The following SCARB2 variants were observed in gnomAD, a reference collection of about 807,000 sequenced individuals.
SCARB2 encodes the protein lysosome membrane protein 2.
In SCARB2, 29 loss-of-function variants were observed where a neutral mutation model predicts 58.6. The ratio of observed to expected loss-of-function variants is 0.49; its 90% confidence interval spans 0.37 to 0.67. SCARB2 has a LOEUF of 0.67. Ranked by LOEUF, SCARB2 falls within the 30% of genes least tolerant of loss-of-function variation. The pLI, the probability that SCARB2 is intolerant of heterozygous loss-of-function variation, is 0.00. For synonymous variants in SCARB2, 195 were observed against 210.1 expected, an observed-to-expected ratio of 0.93 and a Z score of 0.62; for missense variants, 488 against 578.5, an observed-to-expected ratio of 0.84 and a Z score of 1.60.
At position 76,213,517 on chromosome 4, in the gene SCARB2, C is replaced by T. The variant is rs1733112054; in HGVS notation, c.27G>A (p.Ala9=). 1 of 1,610,450 alleles carries T rather than the reference C, an allele frequency of 6.2e-7. No homozygotes were observed. The highest frequency in any genetic ancestry group is 8.5e-7 in the Non-Finnish European group (1 of 1,178,560). The change falls in exon 1 of 12, where the codon GCG becomes GCA. Residue 9 remains alanine (A), a synonymous_variant. Coordinates refer to ENST00000264896, the MANE Select transcript of SCARB2 (RefSeq NM_005506.4). MGRCCFYT[A]GTLSLLLLVT... is the part of the protein sequence containing the mutation. ...CCAGCAGGAGCAGGGACAACGTCCC[C>T]GCCGTGTAGAAGCAGCATCGGCCCA...
In SCARB2 at chr4:76,174,073, A is replaced by G. The variant is rs375697471; in HGVS notation, c.994+71T>C. ...GGTGTGCGCCACTACGCCCAGCTAC[A>G]TATTCTTTGTTGAACTCCAATCCTT... On this transcript the variant is annotated intron_variant, in intron 7 of 11. Coordinates refer to ENST00000264896, the MANE Select transcript of SCARB2 (RefSeq NM_005506.4). 6.2e-5 allele frequency: 98 copies of G among 1,584,192 alleles called. 1 individual carries two copies. The East Asian group carries it at 6.5e-4, about 10-fold the overall frequency.
chr4:76,174,095 CCTT>C, intron 7 of SCARB2, 46 bp downstream of exon 7: 1 of 1,608,086 alleles, frequency 6.2e-7, no homozygotes, highest in Non-Finnish European at 8.5e-7. Context: ...GAACTCCAAT[CCTT>C]CTGCATTCTT....
chr4:76,181,200 A>T, intron 2 of SCARB2, 99 bp from the exon 3 acceptor site: 1 of 1,193,124 alleles, frequency 8.4e-7, no homozygotes, highest in Non-Finnish European at 1.2e-6. Flanking sequence ...TCAATATAAC[A>T]TTCCCAATAT....
Position 76,195,828 on chromosome 4 carries a change from A to G in SCARB2, c.154T>C (p.Ser52Pro). The change falls in exon 2 of 12, where the codon TCC (serine) becomes CCC (proline). Residue 52 changes from serine (S) to proline (P), a missense_variant. Transcript: ENST00000264896. ...ACAGGCAGAGGGGGCTTCTCCCAGG[A>G]GTCAAATGCCTCAGTACCATTCCTT... Reference protein sequence around the residue: ...VLRNGTEAFDSWEKPPLPVYT... With the variant: ...VLRNGTEAFDPWEKPPLPVYT... The G allele has an allele frequency of 6.2e-7, 1 of 1,613,924 alleles. No individual in the cohort carries two copies. Among genetic ancestry groups the G allele is most frequent in the Non-Finnish European group, 8.5e-7 (1 of 1,179,802 alleles).
chr4:76,163,544 C>A, intron 10 of SCARB2, 161 bp from the exon 11 acceptor site: 1 of 703,028 alleles, frequency 1.4e-6, no homozygotes, highest in Non-Finnish European at 2.4e-6. Context: ...TCAGAAGGGA[C>A]ATTTATTCAT....
rs554503994 is a variant in SCARB2 at position 76,213,789 on chromosome 4, CA to C, written c.-247del. ...CTCGGTTTCGGTTTCCTTCGCCGGG[CA>C]GCCGTGGCGCCCGCCTAGCGCAGCT... On this transcript the variant is annotated 5_prime_UTR_variant, in exon 1 of 12. Transcript: ENST00000264896. The C allele has an allele frequency of 2.5e-6, 1 of 393,730 alleles. No individual in the cohort carries two copies. The highest frequency in any genetic ancestry group is 5.3e-5 in the East Asian group (1 of 19,038). 24.4% of individuals were successfully genotyped at this position (393,730 alleles called of 1,614,324 possible).
chr4:76,217,707 A>G (rs1015824149), upstream of SCARB2: 4 of 568,282 alleles, frequency 7.0e-6, no homozygotes, highest in African/African-American at 3.7e-5. Context: ...ATAGCAACAC[A>G]AACAGACAAG....
intron 1 of SCARB2, among the ~76,000 whole-genome samples, chr4:76,205,041 T>G (rs1461272590): frequency 1.3e-5 from 2 of 152,096 alleles, no homozygotes; most frequent in African/African-American, 4.8e-5. Flanking sequence ...TAACAATATA[T>G]TGGGCCAGGC....
intron 1 of SCARB2, among the ~76,000 whole-genome samples, chr4:76,228,274 G>C (rs1161852312): frequency 6.6e-6 from 1 of 151,990 alleles, no homozygotes; most frequent in Non-Finnish European, 1.5e-5. Context: ...GAGATCAGGA[G>C]TTAGAGACCA....
chr4:76,186,392 GTGA>G (rs1732488039), intron 2 of SCARB2, among the ~76,000 whole-genome samples: 1 of 152,174 alleles, frequency 6.6e-6, no homozygotes, highest in African/African-American at 2.4e-5. Flanking sequence ...CGAGGCTGGG[GTGA>G]TGAACACATC....
intron 1 of SCARB2, among the ~76,000 whole-genome samples, chr4:76,208,280 A>T (rs1039817200): frequency 6.6e-6 from 1 of 152,250 alleles, no homozygotes; most frequent in Non-Finnish European, 1.5e-5. Flanking sequence ...AATTAGTAAG[A>T]CACTAAAATA....
intron 2 of SCARB2, among the ~76,000 whole-genome samples, chr4:76,184,406 TA>T (rs1732445009): frequency 6.6e-6 from 1 of 152,234 alleles, no homozygotes; most frequent in South Asian, 2.1e-4. Context: ...ACTTCCGTGT[TA>T]AACCACTTAC....
At chr4:76,199,235 T>G (rs1265478823) in intron 1 of SCARB2, among the ~76,000 whole-genome samples, 1 of 152,196 alleles carries the variant, frequency 6.6e-6, no homozygotes, top group Non-Finnish European at 1.5e-5. Context: ...GGAGTGCAGA[T>G]TTACTCACCC....
intron 10 of SCARB2, chr4:76,164,777 G>A (rs1392090333): frequency 6.8e-6 from 1 of 147,698 alleles, no homozygotes; most frequent in African/African-American, 2.6e-5. Flanking sequence ...GAGGGTGAGA[G>A]TGAGACCTTG....
chr4:76,217,199 C>G (rs76591264), upstream of SCARB2, among the ~76,000 whole-genome samples: 4,234 of 152,256 alleles, frequency 0.028, 359 homozygotes, highest in East Asian at 0.33. Flanking sequence ...GCTTGCCAGC[C>G]ACTAATAACC....
In SCARB2 at chr4:76,187,530, C is replaced by G. The variant is rs115331419; in HGVS notation, c.276-6429G>C. On this transcript the variant is annotated intron_variant, in intron 2 of 11. Coordinates refer to ENST00000264896, the MANE Select transcript of SCARB2 (RefSeq NM_005506.4). ...CATTTACTCTATTAAATATAATCAT[C>G]ATTAAAATTCATTTGTATGAAGACC... 5.4e-3 allele frequency among the ~76,000 whole-genome samples: 829 copies of G among 152,258 alleles called. 6 individuals are homozygous for G. Among genetic ancestry groups the G allele is most frequent in the African/African-American group, 0.016 (665 of 41,536 alleles).
At chr4:76,165,877 A>C in intron 10 of SCARB2, 1 of 331,612 alleles carries the variant, frequency 3.0e-6, no homozygotes, top group Non-Finnish European at 5.7e-6. Context: ...TTAAACCAGC[A>C]TGGTTTCAAA....
At chr4:76,194,175 C>G (rs950051668) in intron 2 of SCARB2, 1 of 152,226 alleles carries the variant, frequency 6.6e-6, no homozygotes, top group South Asian at 2.1e-4. Context: ...CCCCAGAAGC[C>G]GAGCAGAGCC....
In SCARB2 at chr4:76,169,873, A is replaced by G; in HGVS notation, c.1107T>C (p.Ile369=). ...GGAGGAAGTATGTACTCACAGGATT[A>G]ATGTCCACAAATGTCTCATGGTCTT... The part of the protein sequence containing the change: ...NQEDHETFVD[I]NPLTGIILKA... The change falls in exon 8 of 12, where the codon ATT becomes ATC. Residue 369 remains isoleucine, a synonymous_variant. Coordinates refer to ENST00000264896, the MANE Select transcript of SCARB2 (RefSeq NM_005506.4). 6.2e-7 allele frequency: 1 copy of G among 1,609,150 alleles called. No homozygotes were observed. Among genetic ancestry groups the G allele is most frequent in the Non-Finnish European group, 8.5e-7 (1 of 1,175,464 alleles).
Sources: allele counts gnomAD v4.1 joint callset (sites outside exome capture counted in the v4.1 genomes callset), GRCh38; gene constraint gnomAD v4.1.1; transcripts MANE v1.5; gene names NCBI Gene and HGNC (gene_info 2026-07-23, HGNC 2026-07-21).